SIM1: variants seen among roughly 807,000 people sequenced by gnomAD.
SIM1 encodes the protein SIM bHLH transcription factor 1.
Under a neutral mutation model 78.2 loss-of-function variants are expected in SIM1, and 18 were observed. That is an observed-to-expected ratio of 0.23 (90% CI 0.16 to 0.34). The LOEUF is 0.34. Among genes scored for constraint, SIM1 ranks in the 10% least tolerant of loss-of-function variants. The pLI is 1.00. For synonymous variants in SIM1, 417 were observed against 385.2 expected, an observed-to-expected ratio of 1.08 and a Z score of -0.97; for missense variants, 939 against 975.1, an observed-to-expected ratio of 0.96 and a Z score of 0.49.
chr6:100,463,247 C>T (rs1298301726), intron 2 of SIM1, 47 bp downstream of exon 2: 17 of 1,536,460 alleles, frequency 1.1e-5, no homozygotes, highest in African/African-American at 2.7e-5. Flanking sequence ...CTGGCAAATC[C>T]CCGGCCCCTT....
rs770543844 is a variant in SIM1 at position 100,390,971 on chromosome 6, A to G, written c.1691T>C (p.Ile564Thr). 56 of 1,613,956 alleles carry G rather than the reference A, an allele frequency of 3.5e-5. No homozygotes were observed. The highest frequency in any genetic ancestry group is 1.3e-5 in the African/African-American group (1 of 74,894). ...CTGAGTGGCTCTTATAAGAGTTTCA[A>G]TTTTGCTGGGTTCATGTGGGCTACT... ...YQSSPHEPSKIETLIRATQQM... is the reference protein window; with the variant it reads ...YQSSPHEPSKTETLIRATQQM... The change falls in exon 12 of 12, where the codon ATT becomes ACT. Residue 564 changes from isoleucine to threonine, a missense_variant. Ile to Thr is a moderately conservative substitution (Grantham distance 89, BLOSUM62 -1). Coordinates refer to ENST00000369208, the MANE Select transcript of SIM1 (RefSeq NM_005068.3).
At chr6:100,438,742 A>T (rs1400601748) in intron 9 of SIM1, among the ~76,000 whole-genome samples, 1 of 152,262 alleles carries the variant, frequency 6.6e-6, no homozygotes, top group Non-Finnish European at 1.5e-5. Flanking sequence ...TGGATAAAGA[A>T]AATGTGGTAT....
At position 100,450,308 on chromosome 6, in the gene SIM1, A is replaced by G. The variant is rs776833697; in HGVS notation, c.307T>C (p.Tyr103His). ...FVVAPDGKIM[Y>H]ISETASVHLG... Reference sequence around the variant, plus strand: ...TGGACTGAGGCTGTCTCTGAGATGTACATGATCTTCCCATCTGGGGCTACC... The same window carrying G: ...TGGACTGAGGCTGTCTCTGAGATGTGCATGATCTTCCCATCTGGGGCTACC... Residue 103 changes from tyrosine (Y) to histidine (H), a missense_variant, in exon 4 of 12, where the codon TAC (tyrosine) becomes CAC (histidine). This residue lies in a region of SIM1 where 121 missense variants were observed against 124.6 expected (regional missense o/e 0.97). Coordinates refer to ENST00000369208, the MANE Select transcript of SIM1 (RefSeq NM_005068.3). 6.2e-7 allele frequency: 1 copy of G among 1,614,128 alleles called. No individual in the cohort carries two copies. Among genetic ancestry groups the G allele is most frequent in the South Asian group, 1.1e-5 (1 of 91,086 alleles).
In SIM1 at chr6:100,393,680, C is replaced by G. The variant is rs1438740113; in HGVS notation, c.1377G>C (p.Glu459Asp). 1 of 1,614,042 alleles carries G rather than the reference C, an allele frequency of 6.2e-7. No individual in the cohort carries two copies. Among genetic ancestry groups the G allele is most frequent in the Non-Finnish European group, 8.5e-7 (1 of 1,179,890 alleles). Reference protein sequence around the residue: ...FALDHSRLVEERHFHTQACEG... With the variant: ...FALDHSRLVEDRHFHTQACEG... ...CACAGGCCTGGGTATGGAAATGCCT[C>G]TCTTCCACCAGCCTCGAGTGGTCAA... is the stretch of plus-strand genomic sequence containing the variant. Residue 459 changes from glutamate (E) to aspartate (D), a missense_variant, in exon 11 of 12, where the codon GAG (glutamate) becomes GAC (aspartate). Glu to Asp is a conservative substitution (Grantham distance 45). Around this residue, in one of 5 missense-constraint regions of SIM1, gnomAD observed 556 missense variants for 521.9 expected, o/e 1.07. Transcript: ENST00000369208.
At chr6:100,429,738 C>A (rs937614483) in intron 9 of SIM1, among the ~76,000 whole-genome samples, 6 of 152,172 alleles carry the variant, frequency 3.9e-5, no homozygotes, top group African/African-American at 1.4e-4. Flanking sequence ...CAAAATATTT[C>A]TTTGTAAAAA....
chr6:100,430,257 A>G (rs1771867231), intron 9 of SIM1, among the ~76,000 whole-genome samples: 1 of 152,190 alleles, frequency 6.6e-6, no homozygotes, highest in Non-Finnish European at 1.5e-5. Context: ...AAGTTTAAAC[A>G]TATTTGTGAC....
At position 100,394,575 on chromosome 6, in the gene SIM1, T is replaced by A. The variant is rs989830286; in HGVS notation, c.1168-686A>T. Among the ~76,000 whole-genome samples, 24 of 152,244 alleles carry A rather than the reference T, an allele frequency of 1.6e-4. No individual in the cohort carries two copies. The East Asian group carries it at 1.7e-3, about 11-fold the overall frequency. ...TGTGCAACAATACACAGCTAATTTT[T>A]AAATTCTTTGGTAGAGACAGGGTCT... On this transcript the variant is annotated intron_variant, in intron 10 of 11. Coordinates refer to ENST00000369208, the MANE Select transcript of SIM1 (RefSeq NM_005068.3).
At chr6:100,398,933 TTGTGTGTGTG>T (rs370296648) in intron 10 of SIM1, among the ~76,000 whole-genome samples, 3 of 146,962 alleles carry the variant, frequency 2.0e-5, no homozygotes, top group African/African-American at 5.0e-5. Context: ...ACACTTGTTA[TTGTGTGTGTG>T]TGTGTGTGTG....
chr6:100,448,362 G>A, intron 7 of SIM1, 110 bp from the exon 8 acceptor site: 4 of 1,377,526 alleles, frequency 2.9e-6, no homozygotes, highest in Non-Finnish European at 4.0e-6. Context: ...CACTTTCCAG[G>A]GCCGATTCAG....
At chr6:100,391,962 C>T (rs1300773742) in intron 11 of SIM1, among the ~76,000 whole-genome samples, 5 of 152,132 alleles carry the variant, frequency 3.3e-5, no homozygotes, top group Non-Finnish European at 7.4e-5. Context: ...TACCTGAGGT[C>T]AGGAGTTCAG....
chr6:100,454,404 C>A (rs965935008), intron 2 of SIM1, among the ~76,000 whole-genome samples: 2 of 152,170 alleles, frequency 1.3e-5, no homozygotes, highest in Non-Finnish European at 2.9e-5. Flanking sequence ...AATTAGTTCC[C>A]TGGCGGATGA....
At position 100,449,709 on chromosome 6, in the gene SIM1, G is replaced by A. The variant is rs750769252; in HGVS notation, c.349-10C>T. The stretch of plus-strand genomic sequence containing the variant: ...TTCCGGTCAGCTCTACCTGTAAAGA[G>A]GAGGATGTCGCCGTCGCCGTGGCGG... On this transcript the variant is annotated splice_polypyrimidine_tract_variant and intron_variant, in intron 4 of 11. Transcript: ENST00000369208. 6.8e-6 allele frequency: 11 copies of A among 1,609,696 alleles called. No individual in the cohort carries two copies. In the African/African-American group the frequency reaches 1.1e-4, roughly 16 times the overall value.
chr6:100,443,627 C>T (rs1413089145), intron 9 of SIM1, among the ~76,000 whole-genome samples: 5 of 152,036 alleles, frequency 3.3e-5, no homozygotes, highest in African/African-American at 4.8e-5. Context: ...TTGTTTTTAA[C>T]GGCACCAGTA....
In SIM1 at chr6:100,389,030, A is replaced by G. The variant is rs554615450; in HGVS notation, c.*1331T>C. ...AATAAGTTCAGTTCTGCTCTATCAC[A>G]GAACATGAACGCTGGGGCTGCCTTA... is the stretch of plus-strand genomic sequence containing the variant. On this transcript the variant is annotated 3_prime_UTR_variant, in exon 12 of 12. Coordinates refer to ENST00000369208, the MANE Select transcript of SIM1 (RefSeq NM_005068.3). 1.4e-3 allele frequency: 214 copies of G among 152,360 alleles called. 2 individuals carry two copies. Among genetic ancestry groups the G allele is most frequent in the Non-Finnish European group, 1.8e-3 (125 of 68,054 alleles). The allele number at this position is 152,360 out of a possible 1,614,324, so 9.4% of individuals were successfully genotyped here.
intron 9 of SIM1, among the ~76,000 whole-genome samples, chr6:100,431,931 G>T (rs1250094501): frequency 1.3e-5 from 2 of 152,134 alleles, no homozygotes; most frequent in African/African-American, 4.8e-5. Context: ...ATTGCTTGAG[G>T]CCAGGAGTTC....
At chr6:100,455,530 C>T (rs1772624849) in intron 2 of SIM1, among the ~76,000 whole-genome samples, 1 of 152,192 alleles carries the variant, frequency 6.6e-6, no homozygotes, top group African/African-American at 2.4e-5. Context: ...ATCCCGGCTC[C>T]GACATACCCA....
chr6:100,434,868 T>C (rs905822292), intron 9 of SIM1, among the ~76,000 whole-genome samples: 2 of 152,170 alleles, frequency 1.3e-5, no homozygotes, highest in African/African-American at 4.8e-5. Flanking sequence ...CAACAAATTC[T>C]GTTTGAACAA....
intron 2 of SIM1, among the ~76,000 whole-genome samples, chr6:100,455,055 G>T (rs1173144469): frequency 6.6e-6 from 1 of 152,104 alleles, no homozygotes; most frequent in Admixed American, 6.6e-5. Flanking sequence ...CACTCGCCTT[G>T]TAATATGAGG....
chr6:100,419,701 G>A (rs984856543), intron 10 of SIM1, among the ~76,000 whole-genome samples: 1 of 152,090 alleles, frequency 6.6e-6, no homozygotes, highest in African/African-American at 2.4e-5. Flanking sequence ...GAGTGCAATG[G>A]TGCGATCTTG....
Sources: allele counts gnomAD v4.1 joint callset (sites outside exome capture counted in the v4.1 genomes callset), GRCh38; gene constraint gnomAD v4.1.1; regional missense constraint gnomAD v4.1.1; transcripts MANE v1.5; gene names NCBI Gene and HGNC (gene_info 2026-07-23, HGNC 2026-07-21).